The following DENND2C variants were observed in gnomAD, a reference collection of about 807,000 sequenced individuals.
DENND2C encodes DENN domain-containing protein 2C.
In DENND2C, 72 loss-of-function variants were observed where a neutral mutation model predicts 112.4. The ratio of observed to expected loss-of-function variants is 0.64; its 90% CI spans 0.53 to 0.78. The LOEUF is 0.78. Ranked by LOEUF, DENND2C falls within the 30% of genes least tolerant of loss-of-function variation. The probability of loss-of-function intolerance (pLI) is 0.00; values close to 1 mark genes in which losing one functional copy is unlikely to be tolerated. For missense variants in DENND2C, 992 were observed against 1,113.8 expected (o/e 0.89, Z 1.56); for synonymous variants, 329 against 381.6 (o/e 0.86, Z 1.61).
intron 11 of DENND2C, 59 bp downstream of exon 11, chr1:114,604,863 T>C: frequency 8.0e-7 from 1 of 1,253,954 alleles, no homozygotes; most frequent in African/African-American, 1.5e-5. Flanking sequence ...ATTTCTCAAA[T>C]ACTCTGATTT....
At chr1:114,626,261 C>T (rs1656339745) in intron 3 of DENND2C, 73 bp from the exon 4 acceptor site, 1 of 324,696 alleles carries the variant, frequency 3.1e-6, no homozygotes, top group Admixed American at 4.5e-5. Context: ...AAAACATTGC[C>T]CACCTATCCC....
rs983883991 is a variant in DENND2C, at chr1:114,645,532, G to A, written c.-289C>T. On this transcript the variant is annotated 5_prime_UTR_variant, in exon 3 of 21. Coordinates refer to ENST00000393274, the MANE Select transcript of DENND2C (RefSeq NM_001256404.2). Reference sequence around the variant, plus strand: ...CTGGCGTTTGAACCACTCAATCTGCGGTATTTGGTTATGGTAGACCTAGCA... The same window carrying A: ...CTGGCGTTTGAACCACTCAATCTGCAGTATTTGGTTATGGTAGACCTAGCA... The A allele has an allele frequency of 3.9e-5, 6 of 152,012 alleles. No homozygotes were observed. Among genetic ancestry groups the A allele is most frequent in the East Asian group, 3.9e-4 (2 of 5,178 alleles). 9.4% of individuals were successfully genotyped at this position (152,012 alleles called of 1,614,324 possible). A position where few individuals can be genotyped will look rare whatever the true frequency, so the allele number is the denominator to read the frequency against.
chr1:114,628,600 C>T (rs1656408912), intron 3 of DENND2C, among the ~76,000 whole-genome samples: 1 of 152,202 alleles, frequency 6.6e-6, no homozygotes, highest in African/African-American at 2.4e-5. Flanking sequence ...GAAAATCTTT[C>T]TTAGAGCTGA....
In DENND2C at chr1:114,608,816, TG is replaced by T. The variant is rs1226782369; in HGVS notation, c.1426del (p.Gln476ArgfsTer31). On this transcript the variant is annotated frameshift_variant, in exon 10 of 21. Transcript: ENST00000393274. LOFTEE classifies it high-confidence loss of function. ...TTCAATAAGATCCCGCTCCAAGGTC[TG>T]GTAGTGAGGATTCCTCTTGGAAGAC... is the stretch of plus-strand genomic sequence containing the variant. Reference protein sequence around the residue: ...QPSSKRNPHYQTLERDLIELQ... With the variant: ...QPSSKRNPHYXTLERDLIELQ... 1 of 1,614,106 alleles carries T rather than the reference TG, an allele frequency of 6.2e-7. No homozygotes were observed. Among genetic ancestry groups the T allele is most frequent in the African/African-American group, 1.3e-5 (1 of 74,932 alleles).
intron 17 of DENND2C, 119 bp downstream of exon 17, chr1:114,595,713 T>C (rs763447268): frequency 2.0e-5 from 18 of 903,058 alleles, no homozygotes; most frequent in Non-Finnish European, 3.0e-5. Context: ...CAAGTATGTG[T>C]AGGAACTAAA....
Position 114,594,479 on chromosome 1 carries a change from A to G in DENND2C, c.2425T>C (p.Ser809Pro), listed in dbSNP as rs200089973. 99 of 1,613,780 alleles carry G rather than the reference A, an allele frequency of 6.1e-5. No homozygotes were observed. Among genetic ancestry groups the G allele is most frequent in the Middle Eastern group, 3.3e-4 (2 of 6,082 alleles). The change falls in exon 18 of 21, where the codon TCA (serine) becomes CCA (proline). Residue 809 changes from serine to proline, a missense_variant. Physicochemically the swap from Ser to Pro is moderately conservative, Grantham distance 74 (BLOSUM62 -1). Transcript: ENST00000393274. ...NEILTQEQNF[S>P]QDVTLNSLVS... ...TGGCTCACTTGTCTCATACCTTGTGAAAAATTCTGCTCCTGAGTCAAGATT... is the reference window on the plus strand; with the variant it reads ...TGGCTCACTTGTCTCATACCTTGTGGAAAATTCTGCTCCTGAGTCAAGATT...
Position 114,585,348 on chromosome 1 carries a change from C to T in DENND2C, c.*252G>A. 1 of 434,438 alleles carries T rather than the reference C, an allele frequency of 2.3e-6. No homozygotes were observed. The highest frequency in any genetic ancestry group is 3.8e-5 in the Admixed American group (1 of 26,562). The allele number at this position is 434,438 out of a possible 1,614,324, so 26.9% of individuals were successfully genotyped here. A position where few individuals can be genotyped will look rare whatever the true frequency, so the allele number is the denominator to read the frequency against. ...CAAAACAGAGAATGAGCCCAAGAAT[C>T]ACATAGAAAAGGCTGCTATAAAAAA... On this transcript the variant is annotated 3_prime_UTR_variant, in exon 21 of 21. Coordinates refer to ENST00000393274, the MANE Select transcript of DENND2C (RefSeq NM_001256404.2).
At chr1:114,664,311 TTTGA>T (rs1368113138) in intron 1 of DENND2C, among the ~76,000 whole-genome samples, 7 of 152,048 alleles carry the variant, frequency 4.6e-5, no homozygotes, top group Non-Finnish European at 1.0e-4. Flanking sequence ...CTTTCGAAGC[TTTGA>T]TTGATTGTGA....
chr1:114,663,006 A>G lies in DENND2C; in HGVS notation c.-574+6977T>C, dbSNP rs186497291. On this transcript the variant is annotated intron_variant, in intron 1 of 20. Coordinates refer to ENST00000393274, the MANE Select transcript of DENND2C (RefSeq NM_001256404.2). ...AGAGGGAAAAGGAAAGGGAGGAAGG[A>G]AAAAAATGGGTAAATACCTGGAATA... 5.6e-3 allele frequency among the ~76,000 whole-genome samples: 838 copies of G among 150,302 alleles called. 16 individuals are homozygous for G. The highest frequency in any genetic ancestry group is 5.4e-3 in the Non-Finnish European group (367 of 67,990).
chr1:114,657,794 G>A (rs1657375803), intron 1 of DENND2C, among the ~76,000 whole-genome samples: 1 of 152,204 alleles, frequency 6.6e-6, no homozygotes, highest in South Asian at 2.1e-4. Flanking sequence ...GTGAAGTCCA[G>A]GAAATCTTTC....
chr1:114,614,875 G>A (rs550032248), intron 8 of DENND2C, among the ~76,000 whole-genome samples: 4 of 152,028 alleles, frequency 2.6e-5, no homozygotes, highest in African/African-American at 9.7e-5. Context: ...TTAGCTGGGC[G>A]TGGTGACACA....
chr1:114,647,965 G>A (rs758817764), intron 2 of DENND2C, among the ~76,000 whole-genome samples: 2 of 151,926 alleles, frequency 1.3e-5, no homozygotes, highest in Non-Finnish European at 2.9e-5. Context: ...CCTCCACCAT[G>A]CGCAGCTAAT....
chr1:114,602,209 AAT>A lies in DENND2C; in HGVS notation c.1668-17_1668-16del. On this transcript the variant is annotated splice_polypyrimidine_tract_variant and intron_variant, in intron 11 of 20. Coordinates refer to ENST00000393274, the MANE Select transcript of DENND2C (RefSeq NM_001256404.2). Reference sequence around the variant, plus strand: ...AGAATGTTTCACTGAAAAAAGAGCCAATAGTTAGTTTAGGATCCAAACAATTA... The same window carrying A: ...AGAATGTTTCACTGAAAAAAGAGCCAAGTTAGTTTAGGATCCAAACAATTA... The A allele has an allele frequency of 1.4e-5, 23 of 1,612,656 alleles. No individual in the cohort carries two copies. The highest frequency in any genetic ancestry group is 2.0e-5 in the Non-Finnish European group (23 of 1,179,338).
At chr1:114,623,185 C>G in intron 5 of DENND2C, 86 bp from the exon 6 acceptor site, 3 of 1,241,564 alleles carry the variant, frequency 2.4e-6, no homozygotes, top group Non-Finnish European at 3.3e-6. Context: ...AAAAAGCTAA[C>G]TATGTTCAGC....
In DENND2C at chr1:114,605,045, C is replaced by A. The variant is rs766752963; in HGVS notation, c.1558-14G>T. On this transcript the variant is annotated splice_polypyrimidine_tract_variant and intron_variant, in intron 10 of 20. Coordinates refer to ENST00000393274, the MANE Select transcript of DENND2C (RefSeq NM_001256404.2). Reference sequence around the variant, plus strand: ...GCCATGATCATCCTGAAAAAGATAACACCATAGGTGACTTAAATTATACTA... The same window carrying A: ...GCCATGATCATCCTGAAAAAGATAAAACCATAGGTGACTTAAATTATACTA... 1.9e-6 allele frequency: 3 copies of A among 1,580,946 alleles called. No individual in the cohort carries two copies. Among genetic ancestry groups the A allele is most frequent in the South Asian group, 1.1e-5 (1 of 89,678 alleles).
chr1:114,606,999 T>C (rs1655672983), intron 10 of DENND2C, among the ~76,000 whole-genome samples: 1 of 152,208 alleles, frequency 6.6e-6, no homozygotes, highest in South Asian at 2.1e-4. Context: ...ATGCCTTGCC[T>C]GGAGATGTTG....
At chr1:114,633,034 CAT>C (rs573073863) in intron 3 of DENND2C, among the ~76,000 whole-genome samples, 1 of 152,092 alleles carries the variant, frequency 6.6e-6, no homozygotes, top group South Asian at 2.1e-4. Context: ...CTAAAGTAAA[CAT>C]AATGCACTGT....
chr1:114,600,371 A>T lies in DENND2C; in HGVS notation c.1957-19T>A. On this transcript the variant is annotated intron_variant, in intron 14 of 20. Coordinates refer to ENST00000393274, the MANE Select transcript of DENND2C (RefSeq NM_001256404.2). ...CAATGGACTGAAATGCAAGAAGTTG[A>T]ATCAGGTGAGCTAATGTTGGAAAAC... 1 of 1,613,600 alleles carries T rather than the reference A, an allele frequency of 6.2e-7. No homozygotes were observed. The highest frequency in any genetic ancestry group is 1.7e-5 in the Admixed American group (1 of 59,948).
chr1:114,586,771 T>C (rs1291471990), intron 20 of DENND2C: 2 of 151,868 alleles, frequency 1.3e-5, no homozygotes, highest in African/African-American at 2.4e-5. Context: ...GACAAGAATC[T>C]CACTCTGTCA....
Sources: gnomAD v4.1 joint callset for allele counts (sites outside exome capture counted in the v4.1 genomes callset) on GRCh38, gnomAD v4.1.1 for gene constraint, MANE v1.5 for transcripts, NCBI Gene and HGNC (gene_info 2026-07-23, HGNC 2026-07-21) for gene names.